Variants in STARD9 observed in about 807,000 individuals in gnomAD.
STARD9 encodes the protein stAR-related lipid transfer protein 9.
A neutral mutation model predicts 399.8 loss-of-function variants in STARD9; 346 were observed. The observed-to-expected ratio is 0.87, with a 90% confidence interval of 0.79 to 0.95. The LOEUF (loss-of-function observed/expected upper bound fraction) is 0.95. Among genes scored for constraint, STARD9 ranks in the 40% least tolerant of loss-of-function variants. STARD9 has a pLI of 0.00. For synonymous variants in STARD9, 2,203 were observed against 2,143.5 expected (o/e 1.03, Z -0.77); for missense variants, 5,832 against 5,667.5 (o/e 1.03, Z -0.93).
chr15:42,658,036 C>T (rs530439012), intron 9 of STARD9, among the ~76,000 whole-genome samples: 14 of 152,284 alleles, frequency 9.2e-5, no homozygotes, highest in African/African-American at 3.4e-4. Flanking sequence ...CTTAGGAGAA[C>T]CTTTGTGATT....
intron 26 of STARD9, among the ~76,000 whole-genome samples, chr15:42,700,098 C>T (rs890310378): frequency 2.6e-5 from 4 of 152,164 alleles, no homozygotes; most frequent in Non-Finnish European, 5.9e-5. Flanking sequence ...ACCCATGTTG[C>T]CACAAATGAC....
At chr15:42,652,204 G>A (rs778023503) in intron 8 of STARD9, among the ~76,000 whole-genome samples, 7 of 151,998 alleles carry the variant, frequency 4.6e-5, no homozygotes, top group African/African-American at 1.7e-4. Context: ...TCTTGGGCAT[G>A]TTCTTCCAGG....
At chr15:42,701,534 T>C (rs2060963439) in intron 26 of STARD9, among the ~76,000 whole-genome samples, 1 of 152,188 alleles carries the variant, frequency 6.6e-6, no homozygotes, top group Non-Finnish European at 1.5e-5. Context: ...GCTTTCCTTT[T>C]CAGATAGTTT....
At position 42,693,987 on chromosome 15, in the gene STARD9, C is replaced by A; in HGVS notation, c.12409C>A (p.Pro4137Thr). ...CCAGCACCACAGTCTGAGGGACCTC[C>A]CGGTGCATAACAAATTTAGTAACTG... is the stretch of plus-strand genomic sequence containing the variant. ...EHQHHSLRDL[P>T]VHNKFSNWCG... Residue 4137 changes from proline (P) to threonine (T), a missense_variant, in exon 23 of 33, where the codon CCG becomes ACG. Around this residue, in one of 2 missense-constraint regions of STARD9, gnomAD observed 5,828 missense variants for 5,651.1 expected, o/e 1.03. Coordinates refer to ENST00000290607, the MANE Select transcript of STARD9 (RefSeq NM_020759.3). The A allele has an allele frequency of 6.6e-7, 1 of 1,512,204 alleles. No individual in the cohort carries two copies. The allele number at this position is 1,512,204 out of a possible 1,614,324, so 93.7% of individuals were successfully genotyped here.
rs751713598 is a variant in STARD9, at chr15:42,692,023, G to A, written c.10445G>A (p.Ser3482Asn). The A allele has an allele frequency of 1.3e-6, 2 of 1,537,240 alleles. No homozygotes were observed. Among genetic ancestry groups the A allele is most frequent in the Non-Finnish European group, 1.7e-6 (2 of 1,146,914 alleles). Residue 3482 changes from serine to asparagine, a missense_variant, in exon 23 of 33, where the codon AGC (serine) becomes AAC (asparagine). Ser to Asn is a conservative substitution (Grantham distance 46, BLOSUM62 1). Transcript: ENST00000290607. ...PWRPEEPARISWKQYMSGSAV... is the reference protein window; with the variant it reads ...PWRPEEPARINWKQYMSGSAV... ...CGTCCGGAGGAGCCTGCACGTATCAGCTGGAAGCAGTATATGTCTGGCAGT... is the reference window on the plus strand; with the variant it reads ...CGTCCGGAGGAGCCTGCACGTATCAACTGGAAGCAGTATATGTCTGGCAGT...
At chr15:42,647,549 A>G (rs2141975184) in intron 7 of STARD9, among the ~76,000 whole-genome samples, 1 of 152,270 alleles carries the variant, frequency 6.6e-6, no homozygotes, top group East Asian at 1.9e-4. Context: ...GCATTAACGA[A>G]ACTAGCTTTC....
At chr15:42,621,552 A>ATACAGAAAACAGAGGGATGAGG (rs1280991407) in intron 3 of STARD9, among the ~76,000 whole-genome samples, 64 of 152,362 alleles carry the variant, frequency 4.2e-4, no homozygotes, top group Admixed American at 2.2e-3. Flanking sequence ...GGAAAGTGAC[A>ATACAGAAAACAGAGGGATGAGG]TACAGAAAAC....
At position 42,691,940 on chromosome 15, in the gene STARD9, G is replaced by A; in HGVS notation, c.10362G>A (p.Met3454Ile). Residue 3454 changes from methionine (M) to isoleucine (I), a missense_variant, in exon 23 of 33, where the codon ATG (methionine) becomes ATA (isoleucine). Met to Ile is a conservative substitution (Grantham distance 10, BLOSUM62 1). Transcript: ENST00000290607. ...GGCCAGAAAATTGGTGCTCTCAGAT[G>A]GACAAAGGAATGCTGCACTTTGGCT... is the stretch of plus-strand genomic sequence containing the variant. ...QVRPENWCSQ[M>I]DKGMLHFGSS... 2 of 1,537,264 alleles carry A rather than the reference G, an allele frequency of 1.3e-6. No individual in the cohort carries two copies. Among genetic ancestry groups the A allele is most frequent in the Admixed American group, 2.0e-5 (1 of 50,992 alleles).
chr15:42,694,755 C>T (rs1786634250), intron 24 of STARD9, 30 bp downstream of exon 24: 14 of 1,528,576 alleles, frequency 9.2e-6, no homozygotes, highest in Non-Finnish European at 1.2e-5. Flanking sequence ...CTGCTGGGAG[C>T]AGGCTCTGTT....
chr15:42,625,989 T>A (rs943030860), intron 3 of STARD9, among the ~76,000 whole-genome samples: 9 of 152,158 alleles, frequency 5.9e-5, no homozygotes, highest in Non-Finnish European at 1.0e-4. Context: ...TGGTGCGATA[T>A]CGGCTCACTG....
At chr15:42,578,750 C>G (rs1410373247) in intron 1 of STARD9, among the ~76,000 whole-genome samples, 7 of 152,002 alleles carry the variant, frequency 4.6e-5, no homozygotes, top group Admixed American at 2.6e-4. Context: ...TTTTGAGACT[C>G]AAAGCATCCC....
chr15:42,695,575 G>C (rs1566953583), intron 25 of STARD9, among the ~76,000 whole-genome samples, 168 bp from the exon 26 acceptor site: 1 of 152,214 alleles, frequency 6.6e-6, no homozygotes, highest in Non-Finnish European at 1.5e-5. Context: ...AGCAGTGGTG[G>C]CTTTAAGGAA....
rs2061105276 is a variant in STARD9, at chr15:42,707,115, GTTTTCT to G, written c.13285-9556_13285-9551del. Among the ~76,000 whole-genome samples the G allele has an allele frequency of 2.0e-5, 3 of 152,110 alleles. No individual in the cohort carries two copies. In the East Asian group the frequency reaches 5.8e-4, roughly 29 times the overall value. ...CCTTTAATAGGAAAGAAAGGTGGTA[GTTTTCT>G]TTTTCAAGGTTTATGAATAGTTAAA... On this transcript the variant is annotated intron_variant, in intron 26 of 32. Transcript: ENST00000290607.
chr15:42,599,028 A>T (rs763504690), intron 3 of STARD9, among the ~76,000 whole-genome samples: 1 of 152,140 alleles, frequency 6.6e-6, no homozygotes, highest in South Asian at 2.1e-4. Context: ...GGTTCAAATG[A>T]TTCTCCTGCC....
At chr15:42,643,028 G>GTT (rs527811310) in intron 7 of STARD9, among the ~76,000 whole-genome samples, 7 of 141,354 alleles carry the variant, frequency 5.0e-5, no homozygotes, top group East Asian at 4.1e-4. Flanking sequence ...AGAAGAACCA[G>GTT]TTTTTTTTTT....
At chr15:42,628,187 G>A (rs976100634) in intron 3 of STARD9, among the ~76,000 whole-genome samples, 2 of 152,166 alleles carry the variant, frequency 1.3e-5, no homozygotes, top group African/African-American at 4.8e-5. Flanking sequence ...GATGATCAGT[G>A]ATGTTAATAT....
In STARD9 at chr15:42,691,628, A is replaced by G. The variant is rs2060705879; in HGVS notation, c.10050A>G (p.Glu3350=). The stretch of plus-strand genomic sequence containing the variant: ...TGGAGCCTCCTTCCCCTACAGACGA[A>G]GATACACAGGGGCCTAACAGATTGT... ...LSVEPPSPTD[E]DTQGPNRLWN... Residue 3350 remains glutamate, a synonymous_variant, in exon 23 of 33, where the codon GAA becomes GAG. Transcript: ENST00000290607. The G allele has an allele frequency of 6.5e-7, 1 of 1,537,250 alleles. No homozygotes were observed. Among genetic ancestry groups the G allele is most frequent in the Non-Finnish European group, 8.7e-7 (1 of 1,146,912 alleles).
At chr15:42,658,048 T>C (rs1433735507) in intron 9 of STARD9, among the ~76,000 whole-genome samples, 7 of 152,242 alleles carry the variant, frequency 4.6e-5, no homozygotes, top group Non-Finnish European at 4.4e-5. Flanking sequence ...TTTGTGATTC[T>C]TGATTAGGCG....
At chr15:42,708,763 G>A (rs2061144781) in intron 26 of STARD9, among the ~76,000 whole-genome samples, 3 of 151,760 alleles carry the variant, frequency 2.0e-5, no homozygotes, top group Admixed American at 1.3e-4. Flanking sequence ...GTGAAAACCC[G>A]ATCGTCATGC....
Sources: gnomAD v4.1 joint callset for allele counts (sites outside exome capture counted in the v4.1 genomes callset) on GRCh38, gnomAD v4.1.1 for gene constraint, gnomAD v4.1.1 regional missense constraint, MANE v1.5 for transcripts, NCBI Gene and HGNC (gene_info 2026-07-23, HGNC 2026-07-21) for gene names.